The following ZMAT3 variants were observed in gnomAD, a reference collection of about 807,000 sequenced individuals.
ZMAT3 encodes zinc finger matrin-type protein 3.
A neutral mutation model predicts 32.3 loss-of-function variants in ZMAT3; 17 were observed. That is an observed-to-expected ratio of 0.53 (90% confidence interval 0.36 to 0.79). The LOEUF is 0.79. Ranked by LOEUF, ZMAT3 falls within the 30% of genes least tolerant of loss-of-function variation. The pLI is 0.00. For synonymous variants in ZMAT3, 120 were observed against 133.1 expected (o/e 0.90, Z 0.68); for missense variants, 329 against 359.7 (o/e 0.91, Z 0.69).
Position 179,030,996 on chromosome 3 carries a change from T to C in ZMAT3, c.274A>G (p.Lys92Glu). Residue 92 changes from lysine to glutamate, a missense_variant, in exon 3 of 6, where the codon AAA becomes GAA. Coordinates refer to ENST00000311417, the MANE Select transcript of ZMAT3 (RefSeq NM_022470.4). ...AQQAQAHYQG[K>E]NHGKKLRNYY... is the part of the protein sequence containing the mutation. ...TTTCGGAGTTTCTTACCATGATTTT[T>C]ACCCTAGAAATAAAAATAAAATGAG... The C allele has an allele frequency of 6.2e-7, 1 of 1,613,136 alleles. No homozygotes were observed. The highest frequency in any genetic ancestry group is 8.5e-7 in the Non-Finnish European group (1 of 1,179,536).
At position 179,025,006 on chromosome 3, in the gene ZMAT3, T is replaced by A; in HGVS notation, c.*11A>T. The A allele has an allele frequency of 1.2e-6, 2 of 1,613,832 alleles. No homozygotes were observed. Among genetic ancestry groups the A allele is most frequent in the South Asian group, 2.2e-5 (2 of 91,058 alleles). On this transcript the variant is annotated 3_prime_UTR_variant, in exon 6 of 6. Coordinates refer to ENST00000311417, the MANE Select transcript of ZMAT3 (RefSeq NM_022470.4). ...GGCAGGAAAAGCTGCTCTATCTTAA[T>A]ATGATAATCACTATACATATCCCAG...
At chr3:179,041,011 C>G (rs889218349) in intron 2 of ZMAT3, among the ~76,000 whole-genome samples, 3 of 152,006 alleles carry the variant, frequency 2.0e-5, no homozygotes, top group Non-Finnish European at 4.4e-5. Context: ...GTAAAGGGAT[C>G]AATTCAATGA....
At position 179,027,627 on chromosome 3, in the gene ZMAT3, A is replaced by T; in HGVS notation, c.557+19T>A. 1 of 1,614,060 alleles carries T rather than the reference A, an allele frequency of 6.2e-7. No homozygotes were observed. Among genetic ancestry groups the T allele is most frequent in the Non-Finnish European group, 8.5e-7 (1 of 1,179,940 alleles). On this transcript the variant is annotated intron_variant, in intron 4 of 5. Coordinates refer to ENST00000311417, the MANE Select transcript of ZMAT3 (RefSeq NM_022470.4). ...ATCTCACATAACACTTTGGCCTCAG[A>T]GAAAATGGCAATACCTACGAGAATG...
At chr3:179,049,190 C>A (rs1171150419) in intron 2 of ZMAT3, among the ~76,000 whole-genome samples, 2 of 152,162 alleles carry the variant, frequency 1.3e-5, no homozygotes, top group Non-Finnish European at 2.9e-5. Flanking sequence ...ACTACTAGAC[C>A]TAACAAATGA....
At chr3:179,043,890 C>T (rs968754213) in intron 2 of ZMAT3, among the ~76,000 whole-genome samples, 1 of 152,026 alleles carries the variant, frequency 6.6e-6, no homozygotes, top group Non-Finnish European at 1.5e-5. Context: ...ACAAAGAACC[C>T]CATCAAAAAG....
intron 2 of ZMAT3, among the ~76,000 whole-genome samples, chr3:179,035,543 C>G (rs1196748899): frequency 6.6e-6 from 1 of 152,216 alleles, no homozygotes; most frequent in African/African-American, 2.4e-5. Context: ...TATTACCACA[C>G]TGGCCGGTTT....
rs910903795 is a variant in ZMAT3, at chr3:179,024,777, G to A, written c.*240C>T. On this transcript the variant is annotated 3_prime_UTR_variant, in exon 6 of 6. Transcript: ENST00000311417. ...GGTAGGTAGGTCACATGCTATGAGC[G>A]GCTCAACACCATTGACCCTGCAAAA... is the stretch of plus-strand genomic sequence containing the variant. 8.5e-6 allele frequency: 4 copies of A among 470,762 alleles called. No individual in the cohort carries two copies. The highest frequency in any genetic ancestry group is 3.6e-5 in the East Asian group (1 of 27,902). 29.2% of individuals were successfully genotyped at this position (470,762 alleles called of 1,614,324 possible).
intron 2 of ZMAT3, among the ~76,000 whole-genome samples, chr3:179,056,705 G>A (rs1266167706): frequency 6.6e-6 from 1 of 152,148 alleles, no homozygotes; most frequent in East Asian, 1.9e-4. Context: ...GGACACTGGC[G>A]CAGCCTTCTC....
intron 1 of ZMAT3, among the ~76,000 whole-genome samples, chr3:179,069,476 G>A (rs13319574): frequency 0.033 from 4,974 of 152,076 alleles, 207 homozygotes; most frequent in African/African-American, 0.092. Flanking sequence ...TCTCAATACA[G>A]TATTATTAAA....
rs371109109 is a variant in ZMAT3 at position 179,034,219 on chromosome 3, G to A, written c.271-3220C>T. Among the ~76,000 whole-genome samples the A allele has an allele frequency of 3.3e-5, 5 of 152,208 alleles. No individual in the cohort carries two copies. In the East Asian group the frequency reaches 9.6e-4, roughly 29 times the overall value. On this transcript the variant is annotated intron_variant, in intron 2 of 5. Transcript: ENST00000311417. ...CTAAGGACTAGCACATAGAGGAGGA[G>A]ACAGATACCTAAGCAGCTAAATAGA...
intron 1 of ZMAT3, 101 bp downstream of exon 1, chr3:179,071,494 G>A (rs1345470849): frequency 6.6e-6 from 1 of 152,268 alleles, no homozygotes; most frequent in Admixed American, 6.5e-5. Flanking sequence ...GCCCTGTCAC[G>A]TGGAGGGCAG....
intron 2 of ZMAT3, among the ~76,000 whole-genome samples, chr3:179,053,988 G>T (rs957949012): frequency 1.3e-5 from 2 of 152,172 alleles, no homozygotes; most frequent in Non-Finnish European, 2.9e-5. Context: ...TTAAATTCCT[G>T]ATTTTGACAA....
intron 2 of ZMAT3, among the ~76,000 whole-genome samples, chr3:179,056,928 C>T (rs575786051): frequency 1.3e-5 from 2 of 152,302 alleles, no homozygotes; most frequent in African/African-American, 4.8e-5. Context: ...TACACCTGAA[C>T]ATAGGAGAAG....
At chr3:179,032,416 G>A (rs1719305850) in intron 2 of ZMAT3, among the ~76,000 whole-genome samples, 1 of 152,122 alleles carries the variant, frequency 6.6e-6, no homozygotes, top group Non-Finnish European at 1.5e-5. Context: ...CCTCTGCCCG[G>A]CCGCCACCCC....
chr3:179,039,685 T>C (rs1352077537), intron 2 of ZMAT3, among the ~76,000 whole-genome samples: 1 of 152,190 alleles, frequency 6.6e-6, no homozygotes, highest in Non-Finnish European at 1.5e-5. Flanking sequence ...CAAAGGATCA[T>C]AGTTCCTCAC....
intron 2 of ZMAT3, among the ~76,000 whole-genome samples, chr3:179,053,110 AGAG>A (rs1396326519): frequency 1.3e-5 from 2 of 152,118 alleles, no homozygotes; most frequent in Non-Finnish European, 2.9e-5. Context: ...CCTCGGTGAC[AGAG>A]CAAGACTCTG....
In ZMAT3 at chr3:179,030,905, G is replaced by A. The variant is rs1482658574; in HGVS notation, c.365C>T (p.Thr122Ile). 3.7e-6 allele frequency: 6 copies of A among 1,613,756 alleles called. No homozygotes were observed. Among genetic ancestry groups the A allele is most frequent in the Non-Finnish European group, 5.1e-6 (6 of 1,179,808 alleles). Reference sequence around the variant, plus strand: ...CTGCGGAGGGACTGGAACAACTGGAGTAGCTGCAGGCTCGACCACATTGCT... The same window carrying A: ...CTGCGGAGGGACTGGAACAACTGGAATAGCTGCAGGCTCGACCACATTGCT... Reference protein sequence around the residue: ...RMSNVVEPAATPVVPVPPQMG... With the variant: ...RMSNVVEPAAIPVVPVPPQMG... Residue 122 changes from threonine (T) to isoleucine (I), a missense_variant, in exon 3 of 6, where the codon ACT (threonine) becomes ATT (isoleucine). Coordinates refer to ENST00000311417, the MANE Select transcript of ZMAT3 (RefSeq NM_022470.4).
intron 2 of ZMAT3, 95 bp downstream of exon 2, chr3:179,067,388 C>A: frequency 7.5e-7 from 1 of 1,333,024 alleles, no homozygotes; most frequent in Non-Finnish European, 1.0e-6. Flanking sequence ...TCTTGGTATT[C>A]CAGGCACAGT....
intron 2 of ZMAT3, among the ~76,000 whole-genome samples, chr3:179,045,835 T>C (rs542521811): frequency 9.9e-5 from 15 of 152,190 alleles, no homozygotes; most frequent in African/African-American, 3.6e-4. Flanking sequence ...AGCACAACAA[T>C]AACCAAAAAA....
Sources: gnomAD v4.1 joint callset for allele counts (sites outside exome capture counted in the v4.1 genomes callset) on GRCh38, gnomAD v4.1.1 for gene constraint, MANE v1.5 for transcripts, NCBI Gene and HGNC (gene_info 2026-07-23, HGNC 2026-07-21) for gene names.